The following CSNK1E variants were observed in gnomAD, a reference collection of about 807,000 sequenced individuals.
CSNK1E encodes casein kinase I isoform epsilon.
In CSNK1E, 17 loss-of-function variants were observed where a neutral mutation model predicts 46.1. The ratio of observed to expected loss-of-function variants is 0.37; its 90% confidence interval spans 0.25 to 0.55. The LOEUF is 0.55. Ranked by LOEUF, CSNK1E falls within the 20% of genes least tolerant of loss-of-function variation. The probability of loss-of-function intolerance (pLI) is 0.82; values close to 1 mark genes in which losing one functional copy is unlikely to be tolerated. For missense variants in CSNK1E, 386 were observed against 595.4 expected (o/e 0.65, Z 3.66); for synonymous variants, 241 against 242.6 (o/e 0.99, Z 0.06).
intron 7 of CSNK1E, chr22:38,297,086 CTTGA>C: frequency 1.3e-6 from 1 of 773,078 alleles, no homozygotes; most frequent in Non-Finnish European, 2.4e-6. Context: ...CATTTCCAGT[CTTGA>C]TTAATTTTAA....
At chr22:38,307,646 T>G in intron 2 of CSNK1E, among the ~76,000 whole-genome samples, 1 of 152,218 alleles carries the variant, frequency 6.6e-6, no homozygotes, top group Non-Finnish European at 1.5e-5. Flanking sequence ...TTCTGGTATC[T>G]GAGGGGGATC....
chr22:38,308,434 G>A (rs921587523), intron 2 of CSNK1E, among the ~76,000 whole-genome samples: 5 of 152,084 alleles, frequency 3.3e-5, no homozygotes, highest in African/African-American at 1.2e-4. Context: ...GAGTGCAGCG[G>A]TTGAAGTGTG....
intron 2 of CSNK1E, among the ~76,000 whole-genome samples, chr22:38,310,725 C>A (rs2092717104): frequency 6.6e-6 from 1 of 152,228 alleles, no homozygotes; most frequent in Non-Finnish European, 1.5e-5. Context: ...ACTCTCTTGG[C>A]TGACCCCTTA....
At chr22:38,306,028 AAAG>A (rs1272553154) in intron 2 of CSNK1E, among the ~76,000 whole-genome samples, 3 of 152,234 alleles carry the variant, frequency 2.0e-5, no homozygotes, top group Non-Finnish European at 2.9e-5. Context: ...CTGATTAAAT[AAAG>A]AATAGCCCAT....
At chr22:38,308,861 T>C (rs777533220) in intron 2 of CSNK1E, among the ~76,000 whole-genome samples, 15 of 151,832 alleles carry the variant, frequency 9.9e-5, no homozygotes, top group African/African-American at 1.7e-4. Flanking sequence ...GCGGGAACCA[T>C]GGGGTGGCAG....
intron 2 of CSNK1E, among the ~76,000 whole-genome samples, chr22:38,311,135 G>A (rs1052266879): frequency 2.0e-5 from 3 of 152,172 alleles, no homozygotes; most frequent in Non-Finnish European, 4.4e-5. Flanking sequence ...GACCAATGGT[G>A]GGGGCGCAGC....
chr22:38,303,263 G>A lies in CSNK1E; in HGVS notation c.77-15C>T, dbSNP rs1281891858. 1 of 1,584,282 alleles carries A rather than the reference G, an allele frequency of 6.3e-7. No homozygotes were observed. Among genetic ancestry groups the A allele is most frequent in the Non-Finnish European group, 8.6e-7 (1 of 1,166,152 alleles). ...GATGTTGGCACCTGCCCGGGGCAGG[G>A]AGGCAAGGGACCAGGGTCACCCTCA... On this transcript the variant is annotated splice_polypyrimidine_tract_variant and intron_variant, in intron 2 of 10. Coordinates refer to ENST00000396832, the MANE Select transcript of CSNK1E (RefSeq NM_152221.3). The surrounding 1 kb of genome is among the most constrained non-coding windows in gnomAD (Gnocchi z 4.7).
intron 7 of CSNK1E, chr22:38,295,398 T>C: frequency 1.0e-6 from 1 of 985,080 alleles, no homozygotes; most frequent in Non-Finnish European, 1.2e-6. Context: ...TAGTTCATCC[T>C]GGGGCCGTCC....
In CSNK1E at chr22:38,317,410, C is replaced by CCCG. The variant is rs1569086050; in HGVS notation, c.-266_-264dup. 1.5e-5 allele frequency: 2 copies of CCCG among 133,400 alleles called. No homozygotes were observed. Among genetic ancestry groups the CCCG allele is most frequent in the African/African-American group, 2.7e-5 (1 of 36,760 alleles). 8.3% of individuals were successfully genotyped at this position (133,400 alleles called of 1,614,324 possible). A position where few individuals can be genotyped will look rare whatever the true frequency, so the allele number is the denominator to read the frequency against. ...CCGGCCTCCTGCCCGCCCGCCCGCCCCCGCCGCCGGCTCGCGCGCTCTCGC... is the reference window on the plus strand; with the variant it reads ...CCGGCCTCCTGCCCGCCCGCCCGCCCCCGCCGCCGCCGGCTCGCGCGCTCTCGC... On this transcript the variant is annotated 5_prime_UTR_variant, in exon 1 of 11. Coordinates refer to ENST00000396832, the MANE Select transcript of CSNK1E (RefSeq NM_152221.3).
chr22:38,305,826 T>C (rs1469202224), intron 2 of CSNK1E, among the ~76,000 whole-genome samples: 1 of 151,880 alleles, frequency 6.6e-6, no homozygotes, highest in Non-Finnish European at 1.5e-5. Flanking sequence ...TCCCAGGTGG[T>C]GGAGGCGTCA....
At chr22:38,296,694 G>C (rs2145830417) in intron 7 of CSNK1E, 1 of 1,610,922 alleles carries the variant, frequency 6.2e-7, no homozygotes, top group Non-Finnish European at 8.5e-7. Context: ...GGCCTGGTTG[G>C]AAAAGAGATC....
At chr22:38,313,662 C>G (rs1036833701) in intron 2 of CSNK1E, among the ~76,000 whole-genome samples, 7 of 152,206 alleles carry the variant, frequency 4.6e-5, no homozygotes, top group African/African-American at 1.7e-4. Context: ...GGCTGGGTTC[C>G]AGGAGGCCAG....
intron 1 of CSNK1E, among the ~76,000 whole-genome samples, chr22:38,314,931 G>A (rs1228542322): frequency 1.3e-5 from 2 of 152,210 alleles, no homozygotes; most frequent in African/African-American, 4.8e-5. Context: ...CAAAAGTCCG[G>A]ACACCCTGTT....
Position 38,294,423 on chromosome 22 carries a change from G to A in CSNK1E, c.997C>T (p.Pro333Ser). ...SATRALPPGP[P>S]TGATANRLRS... is the part of the protein sequence containing the mutation. ...AGCCGGTTGGCAGTGGCCCCCGTGG[G>A]TGGGCCAGGGGGCAGGGCTCGGGTC... is the stretch of plus-strand genomic sequence containing the variant. The change falls in exon 8 of 11, where the codon CCC becomes TCC. Residue 333 changes from proline to serine, a missense_variant. By Grantham distance (74) the Pro-to-Ser change is moderately conservative. Transcript: ENST00000396832. The surrounding 1 kb of genome is among the most constrained non-coding windows in gnomAD (Gnocchi z 5.5). 1 of 1,562,860 alleles carries A rather than the reference G, an allele frequency of 6.4e-7. No individual in the cohort carries two copies.
intron 2 of CSNK1E, among the ~76,000 whole-genome samples, chr22:38,306,894 G>A (rs1209529039): frequency 2.6e-5 from 4 of 152,204 alleles, no homozygotes; most frequent in Non-Finnish European, 4.4e-5. Flanking sequence ...TAAGAAATAG[G>A]TTGGGTGCAG....
At chr22:38,297,996 C>G in intron 7 of CSNK1E, 4 of 1,139,400 alleles carry the variant, frequency 3.5e-6, no homozygotes, top group Non-Finnish European at 4.4e-6. Flanking sequence ...GGGAGCCGGG[C>G]ACCTGAAAGG....
At chr22:38,306,849 G>C (rs911994622) in intron 2 of CSNK1E, among the ~76,000 whole-genome samples, 105 of 152,310 alleles carry the variant, frequency 6.9e-4, no homozygotes, top group African/African-American at 2.5e-3. Flanking sequence ...TCAAAAATAC[G>C]TGGGGGGAGA....
chr22:38,314,307 C>T, intron 1 of CSNK1E, 138 bp from the exon 2 acceptor site: 1 of 655,064 alleles, frequency 1.5e-6, no homozygotes, highest in Non-Finnish European at 2.7e-6. Flanking sequence ...TGTCAGGTGG[C>T]CCACAGCCTG....
upstream of CSNK1E, among the ~76,000 whole-genome samples, chr22:38,317,602 G>A (rs1177092889): frequency 6.6e-6 from 1 of 152,034 alleles, no homozygotes; most frequent in African/African-American, 2.4e-5. Context: ...GCGGGCTTAC[G>A]CGTGGGGGTG....
Sources: allele counts gnomAD v4.1 joint callset (sites outside exome capture counted in the v4.1 genomes callset), GRCh38; gene constraint gnomAD v4.1.1; non-coding constraint Gnocchi (gnomAD v3.1); transcripts MANE v1.5; gene names NCBI Gene and HGNC (gene_info 2026-07-23, HGNC 2026-07-21).